The following FRMD4B variants were observed in gnomAD, a reference collection of about 807,000 sequenced individuals.
The protein encoded by FRMD4B is FERM domain containing 4B.
FRMD4B carries 74 observed loss-of-function variants against 141.5 expected under a neutral mutation model. The observed-to-expected ratio is 0.52, with a 90% CI of 0.43 to 0.63. FRMD4B has a LOEUF of 0.63. Among genes scored for constraint, FRMD4B ranks in the 30% least tolerant of loss-of-function variants. The pLI is 0.00. For missense variants in FRMD4B, 1,366 were observed against 1,253.4 expected (o/e 1.09, Z -1.36); for synonymous variants, 506 against 467.9 (o/e 1.08, Z -1.05).
intron 17 of FRMD4B, among the ~76,000 whole-genome samples, chr3:69,192,160 G>A (rs912295476): frequency 2.0e-5 from 3 of 152,102 alleles, no homozygotes; most frequent in Non-Finnish European, 4.4e-5. Flanking sequence ...GAGGTGGGAG[G>A]ATTGCTTGAG....
rs191177980 is a variant in FRMD4B, at chr3:69,234,150, G to A, written c.582-9460C>T. 3.3e-5 allele frequency among the ~76,000 whole-genome samples: 5 copies of A among 151,914 alleles called. No individual in the cohort carries two copies. The East Asian group carries it at 9.7e-4, about 29-fold the overall frequency. ...AGTCCCAGTTACTCAGGAGGCTGAG[G>A]CAGGAGAATTGCTTGCACTGGGAGG... On this transcript the variant is annotated intron_variant, in intron 7 of 22. Coordinates refer to ENST00000398540, the MANE Select transcript of FRMD4B (RefSeq NM_015123.3).
At chr3:69,320,695 A>G (rs1701967161) in intron 1 of FRMD4B, among the ~76,000 whole-genome samples, 1 of 152,238 alleles carries the variant, frequency 6.6e-6, no homozygotes, top group African/African-American at 2.4e-5. Context: ...TAGTTTCAGA[A>G]TTGACCCCTA....
At chr3:69,487,688 CA>C (rs1706239134) in intron 1 of FRMD4B, among the ~76,000 whole-genome samples, 1 of 152,166 alleles carries the variant, frequency 6.6e-6, no homozygotes, top group Non-Finnish European at 1.5e-5. Context: ...TGCAAATATC[CA>C]GGAAGACTTT....
intron 7 of FRMD4B, among the ~76,000 whole-genome samples, chr3:69,229,182 T>A (rs905456982): frequency 6.6e-6 from 1 of 151,870 alleles, no homozygotes; most frequent in African/African-American, 2.4e-5. Flanking sequence ...CGTGCCACCA[T>A]GTCTGGCTAA....
At chr3:69,213,990 T>A (rs1005215661) in intron 11 of FRMD4B, among the ~76,000 whole-genome samples, 1 of 152,084 alleles carries the variant, frequency 6.6e-6, no homozygotes, top group Non-Finnish European at 1.5e-5. Flanking sequence ...ATCAATAATT[T>A]CTAGTAAGAA....
chr3:69,513,217 A>G (rs1200785010), intron 1 of FRMD4B, among the ~76,000 whole-genome samples: 1 of 152,186 alleles, frequency 6.6e-6, no homozygotes, highest in Admixed American at 6.5e-5. Context: ...GAAAGGAAAG[A>G]GATGTTAGAA....
Position 69,231,446 on chromosome 3 carries a change from C to T in FRMD4B, c.582-6756G>A, listed in dbSNP as rs901599889. Reference sequence around the variant, plus strand: ...GGGACTACAGGTATGTGCTACCACGCCCAGCTAATTTTTGTATTTTTAGTA... The same window carrying T: ...GGGACTACAGGTATGTGCTACCACGTCCAGCTAATTTTTGTATTTTTAGTA... On this transcript the variant is annotated intron_variant, in intron 7 of 22. Transcript: ENST00000398540. Among the ~76,000 whole-genome samples the T allele has an allele frequency of 3.3e-5, 5 of 152,192 alleles. No individual in the cohort carries two copies. In the East Asian group the frequency reaches 9.6e-4, roughly 29 times the overall value.
At chr3:69,221,559 T>C (rs1315009753) in intron 9 of FRMD4B, among the ~76,000 whole-genome samples, 6 of 152,204 alleles carry the variant, frequency 3.9e-5, no homozygotes, top group Admixed American at 3.9e-4. Flanking sequence ...ATTCTAAAGC[T>C]GAGTAACCTT....
chr3:69,487,319 A>C (rs1706230874), intron 1 of FRMD4B, among the ~76,000 whole-genome samples: 1 of 152,222 alleles, frequency 6.6e-6, no homozygotes, highest in Admixed American at 6.5e-5. Flanking sequence ...TGACACTGAG[A>C]AAGTTAGAGA....
At chr3:69,262,459 CT>C (rs71618271) in intron 5 of FRMD4B, among the ~76,000 whole-genome samples, 1,771 of 86,814 alleles carry the variant, frequency 0.02, 10 homozygotes, top group African/African-American at 0.073. Flanking sequence ...ACACAAATGA[CT>C]TTTTTTTTTT....
At chr3:69,187,512 C>T (rs1367689368) in intron 19 of FRMD4B, among the ~76,000 whole-genome samples, 1 of 147,392 alleles carries the variant, frequency 6.8e-6, no homozygotes, top group African/African-American at 2.5e-5. Flanking sequence ...TGCACTCCAG[C>T]CTGGGCAACA....
intron 1 of FRMD4B, among the ~76,000 whole-genome samples, chr3:69,364,877 A>ATTTTTT (rs1384436895): frequency 2.5e-5 from 3 of 121,804 alleles, no homozygotes; most frequent in African/African-American, 1.1e-4. Flanking sequence ...TTTTTTTAAA[A>ATTTTTT]AAATAAATAA....
Position 69,197,068 on chromosome 3 carries a change from T to C in FRMD4B, c.954-30A>G, listed in dbSNP as rs559368233. 38 of 1,597,592 alleles carry C rather than the reference T, an allele frequency of 2.4e-5. No homozygotes were observed. In the Admixed American group the frequency reaches 5.2e-4, roughly 22 times the overall value. ...AAGATTAAAGAAAGCACTCAAATAATTCCCCTCTGGCCCAGCATGATGCAA... is the reference window on the plus strand; with the variant it reads ...AAGATTAAAGAAAGCACTCAAATAACTCCCCTCTGGCCCAGCATGATGCAA... On this transcript the variant is annotated intron_variant, in intron 12 of 22. Transcript: ENST00000398540.
chr3:69,235,487 T>C (rs4274755), intron 7 of FRMD4B, among the ~76,000 whole-genome samples: 1,727 of 151,730 alleles, frequency 0.011, 19 homozygotes, highest in Middle Eastern at 0.024. Flanking sequence ...GGTGAAACCC[T>C]GTCTCTACTA....
At chr3:69,189,178 C>T (rs1185174194) in intron 18 of FRMD4B, among the ~76,000 whole-genome samples, 3 of 135,974 alleles carry the variant, frequency 2.2e-5, no homozygotes, top group Non-Finnish European at 3.0e-5. Context: ...GCTGAGATCG[C>T]ACCAGTGCAC....
At chr3:69,444,215 G>T (rs947685126) in intron 1 of FRMD4B, among the ~76,000 whole-genome samples, 4 of 152,122 alleles carry the variant, frequency 2.6e-5, no homozygotes, top group African/African-American at 9.7e-5. Context: ...CAATCCTTCT[G>T]CTTGGCCAGC....
At chr3:69,523,791 T>C (rs1385967509) in intron 1 of FRMD4B, among the ~76,000 whole-genome samples, 1 of 152,142 alleles carries the variant, frequency 6.6e-6, no homozygotes, top group Non-Finnish European at 1.5e-5. Context: ...ACTAAGGATG[T>C]GGCTTCCCAG....
In FRMD4B at chr3:69,302,303, C is replaced by CA. The variant is rs35366028; in HGVS notation, c.416+39dup. ...ACACACAAAAACCCAAAAATAACAGCAAAAAAAGAGGGATGCTAACTGGGT... is the reference window on the plus strand; with the variant it reads ...ACACACAAAAACCCAAAAATAACAGCAAAAAAAAGAGGGATGCTAACTGGGT... On this transcript the variant is annotated intron_variant, in intron 4 of 22. Transcript: ENST00000398540. 1.1e-5 allele frequency: 12 copies of CA among 1,071,976 alleles called. No individual in the cohort carries two copies. In the South Asian group the frequency reaches 1.2e-4, roughly 11 times the overall value. 66.4% of individuals were successfully genotyped at this position (1,071,976 alleles called of 1,614,324 possible). A position where few individuals can be genotyped will look rare whatever the true frequency, so the allele number is the denominator to read the frequency against.
At chr3:69,385,717 G>T in intron 1 of FRMD4B, 111 bp downstream of exon 1, 1 of 931,432 alleles carries the variant, frequency 1.1e-6, no homozygotes, top group Non-Finnish European at 1.5e-6. Context: ...CAAGCAGTCT[G>T]CTAGGAGTTT....
Sources: gnomAD v4.1 joint callset for allele counts (sites outside exome capture counted in the v4.1 genomes callset) on GRCh38, gnomAD v4.1.1 for gene constraint, MANE v1.5 for transcripts, NCBI Gene and HGNC (gene_info 2026-07-23, HGNC 2026-07-21) for gene names.